The following ARHGAP15 variants were observed in gnomAD, a reference collection of about 807,000 sequenced individuals.
The protein encoded by ARHGAP15 is Rho GTPase activating protein 15, also known as rho GTPase-activating protein 15.
Under a neutral mutation model 63.7 loss-of-function variants are expected in ARHGAP15, and 51 were observed. The observed-to-expected ratio is 0.80, with a 90% CI of 0.64 to 1.01. The LOEUF is 1.01. Among genes scored for constraint, ARHGAP15 ranks in the 50% least tolerant of loss-of-function variants. The pLI, the probability that ARHGAP15 is intolerant of heterozygous loss-of-function variation, is 0.00. For missense variants in ARHGAP15, 560 were observed against 564.6 expected, an observed-to-expected ratio of 0.99 and a Z score of 0.08; for synonymous variants, 191 against 193.8, an observed-to-expected ratio of 0.99 and a Z score of 0.12.
At chr2:143,356,811 G>T (rs999209390) in intron 6 of ARHGAP15, among the ~76,000 whole-genome samples, 14 of 152,180 alleles carry the variant, frequency 9.2e-5, no homozygotes, top group Admixed American at 2.6e-4. Flanking sequence ...TGCACAGGCT[G>T]TTTCCTGTGA....
chr2:143,696,049 C>G (rs1228328515), intron 12 of ARHGAP15, among the ~76,000 whole-genome samples: 1 of 152,014 alleles, frequency 6.6e-6, no homozygotes, highest in African/African-American at 2.4e-5. Flanking sequence ...TTGAAGACTT[C>G]CAGAAATTGA....
At chr2:143,508,269 A>G (rs1027761385) in intron 9 of ARHGAP15, among the ~76,000 whole-genome samples, 2 of 152,128 alleles carry the variant, frequency 1.3e-5, no homozygotes, top group African/African-American at 4.8e-5. Context: ...CTCCCCTTGT[A>G]TGTACATGGC....
intron 12 of ARHGAP15, among the ~76,000 whole-genome samples, chr2:143,691,173 T>A (rs947697557): frequency 6.6e-6 from 1 of 152,158 alleles, no homozygotes; most frequent in Admixed American, 6.6e-5. Context: ...TTGCACATAA[T>A]GTATGGCACT....
At chr2:143,700,100 G>C (rs1684019131) in intron 12 of ARHGAP15, among the ~76,000 whole-genome samples, 1 of 152,018 alleles carries the variant, frequency 6.6e-6, no homozygotes. Flanking sequence ...TATTTAATAG[G>C]GGAATTTGAC....
At chr2:143,291,010 C>T (rs1238550303) in intron 6 of ARHGAP15, among the ~76,000 whole-genome samples, 6 of 152,002 alleles carry the variant, frequency 3.9e-5, no homozygotes, top group Non-Finnish European at 5.9e-5. Context: ...GTGAGATCAT[C>T]AGTGAGAGGA....
At chr2:143,190,919 C>T (rs1163436570) in intron 2 of ARHGAP15, among the ~76,000 whole-genome samples, 2 of 152,170 alleles carry the variant, frequency 1.3e-5, no homozygotes, top group African/African-American at 2.4e-5. Flanking sequence ...TACAGGCGTG[C>T]GTCACCATGC....
intron 10 of ARHGAP15, among the ~76,000 whole-genome samples, chr2:143,555,924 A>C (rs935202811): frequency 1.6e-4 from 23 of 147,716 alleles, no homozygotes; most frequent in Admixed American, 5.4e-4. Context: ...ATAGAATAGA[A>C]TAGAACAGAG....
At chr2:143,355,617 A>G (rs1231270408) in intron 6 of ARHGAP15, among the ~76,000 whole-genome samples, 1 of 152,180 alleles carries the variant, frequency 6.6e-6, no homozygotes, top group African/African-American at 2.4e-5. Context: ...ATAACATTCA[A>G]GGAATTATAT....
At chr2:143,422,953 C>T (rs1405031033) in intron 6 of ARHGAP15, among the ~76,000 whole-genome samples, 2 of 152,076 alleles carry the variant, frequency 1.3e-5, no homozygotes, top group Non-Finnish European at 2.9e-5. Context: ...CTCTCAAGGC[C>T]TGAGATCACG....
intron 6 of ARHGAP15, among the ~76,000 whole-genome samples, chr2:143,265,384 C>T (rs1016259906): frequency 3.9e-5 from 6 of 151,932 alleles, no homozygotes; most frequent in African/African-American, 7.2e-5. Context: ...AAAGTTTTGG[C>T]GCTTCAAGAG....
chr2:143,466,437 T>A (rs1691216062), intron 8 of ARHGAP15, among the ~76,000 whole-genome samples: 1 of 152,072 alleles, frequency 6.6e-6, no homozygotes, highest in African/African-American at 2.4e-5. Context: ...AAGAGTTGGT[T>A]GTATAAATCA....
At chr2:143,232,740 G>T (rs1693496070) in intron 5 of ARHGAP15, among the ~76,000 whole-genome samples, 3 of 151,936 alleles carry the variant, frequency 2.0e-5, no homozygotes, top group Non-Finnish European at 2.9e-5. Context: ...TTATTTCATT[G>T]CCTTTCATTA....
Position 143,752,736 on chromosome 2 carries a change from G to A in ARHGAP15, c.1245-15253G>A, listed in dbSNP as rs572212427. On this transcript the variant is annotated intron_variant, in intron 13 of 13. Transcript: ENST00000295095. ...GGGCAGAGGAATAAGCTGAACTGAA[G>A]TGCAGACCCAAGAAAGCTTCAGCCA... Among the ~76,000 whole-genome samples, 6 of 152,324 alleles carry A rather than the reference G, an allele frequency of 3.9e-5. 1 individual carries two copies. Among genetic ancestry groups the A allele is most frequent in the African/African-American group, 1.4e-4 (6 of 41,580 alleles).
chr2:143,191,619 T>G (rs935266505), intron 2 of ARHGAP15, among the ~76,000 whole-genome samples: 4 of 152,238 alleles, frequency 2.6e-5, no homozygotes, highest in Admixed American at 2.6e-4. Flanking sequence ...ACTGTTATAA[T>G]CTTGGGATGT....
intron 9 of ARHGAP15, among the ~76,000 whole-genome samples, chr2:143,504,931 A>G (rs1301325369): frequency 6.6e-6 from 1 of 152,168 alleles, no homozygotes; most frequent in Admixed American, 6.5e-5. Flanking sequence ...CTTCAAAGGA[A>G]ACAGAAAGGC....
chr2:143,400,627 A>G (rs1022276604), intron 6 of ARHGAP15, among the ~76,000 whole-genome samples: 2 of 151,978 alleles, frequency 1.3e-5, no homozygotes, highest in Non-Finnish European at 1.5e-5. Flanking sequence ...CAGATAACCA[A>G]ATACGAAGGG....
intron 6 of ARHGAP15, among the ~76,000 whole-genome samples, chr2:143,391,875 GATT>G (rs965792698): frequency 1.3e-5 from 2 of 152,140 alleles, no homozygotes; most frequent in African/African-American, 4.8e-5. Context: ...GATTACTACA[GATT>G]TCAAGACATT....
chr2:143,190,001 G>A (rs1691617161), intron 2 of ARHGAP15, among the ~76,000 whole-genome samples: 1 of 151,692 alleles, frequency 6.6e-6, no homozygotes, highest in African/African-American at 2.4e-5. Context: ...CTTACTTTGG[G>A]TTTCTTTCTG....
intron 3 of ARHGAP15, among the ~76,000 whole-genome samples, chr2:143,207,769 C>A (rs1490909907): frequency 6.6e-6 from 1 of 152,100 alleles, no homozygotes; most frequent in Non-Finnish European, 1.5e-5. Context: ...ATGAACAATG[C>A]CCCAATAATC....
Sources: gnomAD v4.1 joint callset for allele counts (sites outside exome capture counted in the v4.1 genomes callset) on GRCh38, gnomAD v4.1.1 for gene constraint, MANE v1.5 for transcripts, NCBI Gene and HGNC (gene_info 2026-07-23, HGNC 2026-07-21) for gene names.